Variants in B3GAT3 observed in about 807,000 individuals in gnomAD.
B3GAT3 encodes beta-1,3-glucuronyltransferase 3, also known as galactosylgalactosylxylosylprotein 3-beta-glucuronosyltransferase 3.
In B3GAT3, 19 loss-of-function variants were observed where a neutral mutation model predicts 33.1. The ratio of observed to expected loss-of-function variants is 0.57; its 90% CI spans 0.40 to 0.84. The LOEUF (loss-of-function observed/expected upper bound fraction) is 0.84, where lower values mean the gene tolerates loss of function less well. Among genes scored for constraint, B3GAT3 ranks in the 40% least tolerant of loss-of-function variants. B3GAT3 has a pLI of 0.00. For missense variants in B3GAT3, 344 were observed against 441.5 expected (o/e 0.78, Z 1.98); for synonymous variants, 167 against 193.5 (o/e 0.86, Z 1.14).
chr11:62,621,829 G>T, intron 1 of B3GAT3, 37 bp downstream of exon 1: 1 of 1,579,656 alleles, frequency 6.3e-7, no homozygotes. Context: ...GGGCGCCCTC[G>T]GGCCAGCCCG....
Position 62,615,709 on chromosome 11 carries a change from C to T in B3GAT3, c.1000G>A (p.Glu334Lys), listed in dbSNP as rs762837360. ...RQGRGSDPAI[E>K]V is the part of the protein sequence containing the mutation. ...TTGGGGTGGGGCCGCCATCACACCT[C>T]AATTGCTGGGTCTGAGCCCCGGCCC... The change falls in exon 5 of 5, where the codon GAG becomes AAG. Residue 334 changes from glutamate to lysine, a missense_variant. Physicochemically the swap from Glu to Lys is moderately conservative, Grantham distance 56. Transcript: ENST00000265471. 1.2e-6 allele frequency: 2 copies of T among 1,613,524 alleles called. No individual in the cohort carries two copies. Among genetic ancestry groups the T allele is most frequent in the Non-Finnish European group, 1.7e-6 (2 of 1,179,996 alleles).
intron 4 of B3GAT3, 174 bp from the exon 5 acceptor site, chr11:62,615,973 G>T: frequency 6.7e-7 from 1 of 1,483,988 alleles, no homozygotes; most frequent in Non-Finnish European, 8.9e-7. Context: ...GGCCGGGCGC[G>T]TGGCTCACGC....
chr11:62,618,586 C>T lies in B3GAT3; in HGVS notation c.258-1239G>A, dbSNP rs186180128. Among the ~76,000 whole-genome samples the T allele has an allele frequency of 1.4e-3, 215 of 150,092 alleles. 2 individuals are homozygous for T. The East Asian group carries it at 0.027, about 19-fold the overall frequency. ...CTGAGGCAGGAGAATGGCGTGAACCCGGGAGGCAGAGCTTGCAGTGAGCCA... is the reference window on the plus strand; with the variant it reads ...CTGAGGCAGGAGAATGGCGTGAACCTGGGAGGCAGAGCTTGCAGTGAGCCA... On this transcript the variant is annotated intron_variant, in intron 2 of 4. Coordinates refer to ENST00000265471, the MANE Select transcript of B3GAT3 (RefSeq NM_012200.4).
chr11:62,621,829 G>C (rs910336339), intron 1 of B3GAT3, 37 bp downstream of exon 1: 6 of 1,579,552 alleles, frequency 3.8e-6, no homozygotes, highest in Non-Finnish European at 5.1e-6. Context: ...GGGCGCCCTC[G>C]GGCCAGCCCG....
chr11:62,621,838 C>T (rs1234601638), intron 1 of B3GAT3, 28 bp downstream of exon 1: 1 of 1,598,386 alleles, frequency 6.3e-7, no homozygotes. Context: ...CGGGCCAGCC[C>T]GCCGCACCCC....
Position 62,615,300 on chromosome 11 carries a change from G to A in B3GAT3, c.*401C>T. On this transcript the variant is annotated 3_prime_UTR_variant, in exon 5 of 5. Coordinates refer to ENST00000265471, the MANE Select transcript of B3GAT3 (RefSeq NM_012200.4). ...CAAAGGAAAACAAGAGGCCCCTCCA[G>A]GTTGAGATTCTTTATTCTGGAGGTA... The A allele has an allele frequency of 2.7e-6, 1 of 370,232 alleles. No homozygotes were observed. The highest frequency in any genetic ancestry group is 5.0e-6 in the Non-Finnish European group (1 of 198,204). The allele number at this position is 370,232 out of a possible 1,614,324, so 22.9% of individuals were successfully genotyped here.
chr11:62,616,242 TGAA>T (rs386754226), intron 4 of B3GAT3: 175 of 471,800 alleles, frequency 3.7e-4, no homozygotes, highest in East Asian at 5.8e-4. Context: ...AGACTCTGTC[TGAA>T]AAAAAAAAAA....
At chr11:62,620,469 G>A (rs1393890242) in intron 2 of B3GAT3, 28 bp downstream of exon 2, 2 of 1,608,346 alleles carry the variant, frequency 1.2e-6, no homozygotes, top group Non-Finnish European at 1.7e-6. Context: ...GGACAACGCA[G>A]ACCTCTTGAG....
intron 4 of B3GAT3, 81 bp downstream of exon 4, chr11:62,616,425 C>T (rs1943028021): frequency 2.5e-6 from 4 of 1,585,126 alleles, no homozygotes; most frequent in Non-Finnish European, 3.5e-6. Flanking sequence ...TTAAACCACC[C>T]ATTCCCAGGG....
At chr11:62,617,729 T>G (rs1261449356) in intron 2 of B3GAT3, among the ~76,000 whole-genome samples, 3 of 150,902 alleles carry the variant, frequency 2.0e-5, no homozygotes, top group Non-Finnish European at 2.9e-5. Context: ...ATACAAAAAT[T>G]TGCTGGGTGT....
chr11:62,615,805 C>T lies in B3GAT3; in HGVS notation c.910-6G>A, dbSNP rs1390774961. The T allele has an allele frequency of 3.1e-6, 5 of 1,613,394 alleles. No homozygotes were observed. Among genetic ancestry groups the T allele is most frequent in the Non-Finnish European group, 4.2e-6 (5 of 1,180,004 alleles). ...CGAGTATGCCACACCAGTACCTGTG[C>T]CAGGAGGGATGCAGTGAGAGCCAGG... On this transcript the variant is annotated splice_polypyrimidine_tract_variant and splice_region_variant and intron_variant, in intron 4 of 4. Transcript: ENST00000265471.
At chr11:62,621,831 G>C (rs751422930) in intron 1 of B3GAT3, 35 bp downstream of exon 1, 1 of 1,482,284 alleles carries the variant, frequency 6.7e-7, no homozygotes, top group Non-Finnish European at 9.1e-7. Context: ...GCGCCCTCGG[G>C]CCAGCCCGCC....
Position 62,620,474 on chromosome 11 carries a change from C to A in B3GAT3, c.257+23G>T, listed in dbSNP as rs1237694170. On this transcript the variant is annotated intron_variant, in intron 2 of 4. Transcript: ENST00000265471. ...CCAACTTCTTGGACAACGCAGACCT[C>A]TTGAGTGCACCAGAGCCCATACCTG... 3.7e-6 allele frequency: 6 copies of A among 1,610,068 alleles called. No homozygotes were observed. In the Admixed American group the frequency reaches 1.0e-4, roughly 27 times the overall value.
At chr11:62,617,419 T>TTCTCCTGGGCCACTGCCTGCG in intron 2 of B3GAT3, 72 bp from the exon 3 acceptor site, 1 of 1,594,628 alleles carries the variant, frequency 6.3e-7, no homozygotes, top group Non-Finnish European at 8.5e-7. Flanking sequence ...GGCAGACAGC[T>TTCTCCTGGGCCACTGCCTGCG]TCTCCTGGGC....
At chr11:62,620,748 T>A in intron 1 of B3GAT3, 77 bp from the exon 2 acceptor site, 1 of 1,403,548 alleles carries the variant, frequency 7.1e-7, no homozygotes, top group Non-Finnish European at 9.9e-7. Flanking sequence ...CAAAGGGCCG[T>A]AATCGTCTCA....
In B3GAT3 at chr11:62,620,537, C is replaced by T; in HGVS notation, c.217G>A (p.Ala73Thr). 1.9e-6 allele frequency: 3 copies of T among 1,612,888 alleles called. No homozygotes were observed. The South Asian group carries it at 3.3e-5, about 18-fold the overall frequency. Residue 73 changes from alanine to threonine, a missense_variant, in exon 2 of 5, where the codon GCC becomes ACC. By Grantham distance (58) the Ala-to-Thr change is moderately conservative. Coordinates refer to ENST00000265471, the MANE Select transcript of B3GAT3 (RefSeq NM_012200.4). ...GTAACAACATAGATAGTAGGCAGGG[C>T]CTCGGGTTCAGGGGGCTGGGCAGGG... Reference protein sequence around the residue: ...PAPAQPPEPEALPTIYVVTPT... With the variant: ...PAPAQPPEPETLPTIYVVTPT...
intron 2 of B3GAT3, among the ~76,000 whole-genome samples, chr11:62,619,724 T>TTTTTTTTTTTTTTTTTTTG (rs1554969086): frequency 7.3e-6 from 1 of 137,134 alleles, no homozygotes; most frequent in African/African-American, 2.8e-5. Context: ...TTTTTTTTTT[T>TTTTTTTTTTTTTTTTTTTG]CAGAGACAAG....
At position 62,615,390 on chromosome 11, in the gene B3GAT3, G is replaced by A. The variant is rs976157117; in HGVS notation, c.*311C>T. ...CAGCTCCTCCAGCCCCCCAGTGCAT[G>A]CCCAGCCCCAATAAGTTACCCAGTT... On this transcript the variant is annotated 3_prime_UTR_variant, in exon 5 of 5. Transcript: ENST00000265471. The A allele has an allele frequency of 3.9e-6, 2 of 512,974 alleles. No homozygotes were observed. Among genetic ancestry groups the A allele is most frequent in the Non-Finnish European group, 3.5e-6 (1 of 282,312 alleles). The allele number at this position is 512,974 out of a possible 1,614,324, so 31.8% of individuals were successfully genotyped here. A position where few individuals can be genotyped will look rare whatever the true frequency, so the allele number is the denominator to read the frequency against.
At chr11:62,616,300 T>C in intron 4 of B3GAT3, 1 of 716,542 alleles carries the variant, frequency 1.4e-6, no homozygotes, top group East Asian at 2.7e-5. Context: ...CTGTGCCACA[T>C]GGGTTCCCAG....
Sources: gnomAD v4.1 joint callset for allele counts (sites outside exome capture counted in the v4.1 genomes callset) on GRCh38, gnomAD v4.1.1 for gene constraint, MANE v1.5 for transcripts, NCBI Gene and HGNC (gene_info 2026-07-23, HGNC 2026-07-21) for gene names.